The following MAGI3 variants were observed in gnomAD, a reference collection of about 807,000 sequenced individuals.
MAGI3 encodes the protein membrane associated guanylate kinase, WW and PDZ domain containing 3, also known as membrane-associated guanylate kinase, WW and PDZ domain-containing protein 3.
In MAGI3, 43 loss-of-function variants were observed where a neutral mutation model predicts 121.8. The ratio of observed to expected loss-of-function variants is 0.35; its 90% CI spans 0.28 to 0.46. The LOEUF is 0.46. MAGI3 is among the 20% of genes least tolerant of loss of function. MAGI3 has a pLI of 1.00. For missense variants in MAGI3, 1,547 were observed against 1,797.3 expected (o/e 0.86, Z 2.52); for synonymous variants, 553 against 639.3 (o/e 0.86, Z 2.04).
rs374232138 is a variant in MAGI3, at chr1:113,585,593, G to T, written c.760G>T (p.Ala254Ser). 62 of 1,611,640 alleles carry T rather than the reference G, an allele frequency of 3.8e-5. No individual in the cohort carries two copies. The highest frequency in any genetic ancestry group is 2.0e-4 in the African/African-American group (15 of 74,788). Reference sequence around the variant, plus strand: ...GGAAGCTATTAATGGCAGTGGAAACGCAGGTTTGTAAATAGATGAACAACT... The same window carrying T: ...GGAAGCTATTAATGGCAGTGGAAACTCAGGTTTGTAAATAGATGAACAACT... ...DKEAINGSGN[A>S]ENRERHSESS... Residue 254 changes from alanine (A) to serine (S), a missense_variant, in exon 4 of 21, where the codon GCA becomes TCA. Physicochemically the swap from Ala to Ser is moderately conservative, Grantham distance 99. Transcript: ENST00000307546.
At chr1:113,528,789 T>A (rs945602830) in intron 1 of MAGI3, among the ~76,000 whole-genome samples, 2 of 152,192 alleles carry the variant, frequency 1.3e-5, no homozygotes, top group African/African-American at 4.8e-5. Context: ...AAAAATAGGT[T>A]TAAAATGACA....
intron 19 of MAGI3, 89 bp downstream of exon 19, chr1:113,673,554 G>A (rs1647691258): frequency 7.3e-7 from 1 of 1,361,506 alleles, no homozygotes; most frequent in Non-Finnish European, 1.0e-6. Context: ...GGGAATGCAG[G>A]AACCTCCTAA....
chr1:113,682,350 A>C, intron 20 of MAGI3: 1 of 1,557,602 alleles, frequency 6.4e-7, no homozygotes, highest in Non-Finnish European at 8.7e-7. Context: ...GTTTTCTTTT[A>C]AATTAAAAAT....
intron 19 of MAGI3, 132 bp downstream of exon 19, chr1:113,673,597 C>A: frequency 2.1e-6 from 2 of 950,672 alleles, no homozygotes; most frequent in Non-Finnish European, 1.5e-6. Context: ...TCACTGGTAG[C>A]TAAAAAAGGC....
intron 1 of MAGI3, among the ~76,000 whole-genome samples, chr1:113,421,520 C>T (rs1188619192): frequency 6.6e-6 from 1 of 152,220 alleles, no homozygotes; most frequent in Non-Finnish European, 1.5e-5. Flanking sequence ...CAAGAACCCT[C>T]TGAAGCTGCA....
intron 1 of MAGI3, among the ~76,000 whole-genome samples, chr1:113,413,654 T>C (rs1652130300): frequency 6.6e-6 from 1 of 152,094 alleles, no homozygotes; most frequent in Non-Finnish European, 1.5e-5. Flanking sequence ...TGAATAGGAG[T>C]TCACTCATGA....
intron 2 of MAGI3, among the ~76,000 whole-genome samples, chr1:113,562,267 G>A (rs1660270907): frequency 6.6e-6 from 1 of 152,226 alleles, no homozygotes; most frequent in African/African-American, 2.4e-5. Flanking sequence ...GCCAGGCATG[G>A]TGGCGGGCGC....
intron 1 of MAGI3, among the ~76,000 whole-genome samples, chr1:113,448,308 G>T (rs917169501): frequency 3.3e-5 from 5 of 152,110 alleles, no homozygotes; most frequent in Admixed American, 6.6e-5. Context: ...ATTAGAATAG[G>T]CCTTCTCTTT....
chr1:113,594,941 G>T (rs904489693), intron 6 of MAGI3, among the ~76,000 whole-genome samples: 3 of 152,110 alleles, frequency 2.0e-5, no homozygotes, highest in Non-Finnish European at 4.4e-5. Context: ...ATTTAATTTA[G>T]TATACATTAC....
chr1:113,468,880 T>C (rs1213248728), intron 1 of MAGI3, among the ~76,000 whole-genome samples: 1 of 152,162 alleles, frequency 6.6e-6, no homozygotes, highest in Non-Finnish European at 1.5e-5. Context: ...GTGAGCTCCT[T>C]ATGGGGAAGG....
At chr1:113,523,944 C>T (rs796642084) in intron 1 of MAGI3, among the ~76,000 whole-genome samples, 26 of 152,168 alleles carry the variant, frequency 1.7e-4, no homozygotes, top group South Asian at 1.7e-3. Flanking sequence ...TGGGCTGGGC[C>T]GGGATCCCTC....
At chr1:113,558,635 T>C (rs1337034499) in intron 2 of MAGI3, among the ~76,000 whole-genome samples, 12 of 151,290 alleles carry the variant, frequency 7.9e-5, no homozygotes, top group Non-Finnish European at 1.3e-4. Context: ...GAAAACATAC[T>C]TCAGGATATC....
chr1:113,472,363 C>T (rs573006417), intron 1 of MAGI3, among the ~76,000 whole-genome samples: 29 of 152,098 alleles, frequency 1.9e-4, no homozygotes, highest in Admixed American at 1.2e-3. Context: ...CCACCACGCC[C>T]GGCTAATTTT....
chr1:113,630,504 C>G (rs894873798), intron 9 of MAGI3, among the ~76,000 whole-genome samples: 1 of 152,090 alleles, frequency 6.6e-6, no homozygotes, highest in African/African-American at 2.4e-5. Flanking sequence ...TTACCTTTCC[C>G]CCTACTTTTC....
intron 1 of MAGI3, among the ~76,000 whole-genome samples, chr1:113,510,433 G>A (rs899898726): frequency 2.1e-5 from 3 of 145,634 alleles, no homozygotes; most frequent in African/African-American, 7.7e-5. Context: ...TTGTGTAAAT[G>A]TGCACATGAT....
At chr1:113,646,893 C>T (rs1019594580) in intron 12 of MAGI3, among the ~76,000 whole-genome samples, 1 of 152,058 alleles carries the variant, frequency 6.6e-6, no homozygotes, top group Non-Finnish European at 1.5e-5. Context: ...AAATAGGTTA[C>T]ATAGGACCTG....
At chr1:113,571,202 T>C (rs1647276196) in intron 2 of MAGI3, among the ~76,000 whole-genome samples, 1 of 152,228 alleles carries the variant, frequency 6.6e-6, no homozygotes, top group African/African-American at 2.4e-5. Context: ...TAGATGGTTA[T>C]AGATATGTGG....
At chr1:113,630,425 C>T (rs1349038449) in intron 9 of MAGI3, among the ~76,000 whole-genome samples, 1 of 152,078 alleles carries the variant, frequency 6.6e-6, no homozygotes, top group Admixed American at 6.5e-5. Context: ...TCAGGGACCC[C>T]GAGAGCCTGC....
intron 1 of MAGI3, among the ~76,000 whole-genome samples, chr1:113,489,443 G>T (rs1656568455): frequency 6.6e-6 from 1 of 152,120 alleles, no homozygotes; most frequent in Non-Finnish European, 1.5e-5. Flanking sequence ...AGATGAGAAA[G>T]AATCAGCACA....
Sources: gnomAD v4.1 joint callset for allele counts (sites outside exome capture counted in the v4.1 genomes callset) on GRCh38, gnomAD v4.1.1 for gene constraint, MANE v1.5 for transcripts, NCBI Gene and HGNC (gene_info 2026-07-23, HGNC 2026-07-21) for gene names.